AKAP13: variants seen among roughly 807,000 people sequenced by gnomAD.
AKAP13 encodes A-kinase anchoring protein 13, also known as A-kinase anchor protein 13.
Under a neutral mutation model 264.5 loss-of-function variants are expected in AKAP13, and 80 were observed. That is an observed-to-expected ratio of 0.30 (90% CI 0.25 to 0.36). AKAP13 has a LOEUF of 0.36. Ranked by LOEUF, AKAP13 falls within the 10% of genes least tolerant of loss-of-function variation. AKAP13 has a pLI of 1.00. For synonymous variants in AKAP13, 1,380 were observed against 1,250.2 expected (o/e 1.10, Z -2.19); for missense variants, 3,712 against 3,435.2 (o/e 1.08, Z -2.01).
chr15:85,544,038 T>A, intron 5 of AKAP13, 83 bp downstream of exon 5: 1 of 1,515,776 alleles, frequency 6.6e-7, no homozygotes, highest in Non-Finnish European at 9.1e-7. Context: ...ACTTGGCATC[T>A]CATTGTGTGT....
chr15:85,412,178 A>G (rs899765205), intron 1 of AKAP13, among the ~76,000 whole-genome samples: 22 of 152,228 alleles, frequency 1.4e-4, no homozygotes, highest in African/African-American at 5.1e-4. Context: ...GTAACAGAGT[A>G]CAAAACGGTC....
At chr15:85,714,273 G>T (rs1293455545) in intron 19 of AKAP13, among the ~76,000 whole-genome samples, 14 of 152,176 alleles carry the variant, frequency 9.2e-5, no homozygotes, top group African/African-American at 2.2e-4. Context: ...CTTCATCCTT[G>T]TCGTTTTCAC....
intron 36 of AKAP13, 45 bp from the exon 37 acceptor site, chr15:85,744,583 G>A (rs199768748): frequency 6.2e-7 from 1 of 1,600,820 alleles, no homozygotes; most frequent in Non-Finnish European, 8.6e-7. Flanking sequence ...AATGAAAGGA[G>A]CAGTTTTTCT....
chr15:85,677,464 CTTG>C (rs1202304691), intron 14 of AKAP13, among the ~76,000 whole-genome samples: 1 of 151,952 alleles, frequency 6.6e-6, no homozygotes. Flanking sequence ...TTTTATTTTC[CTTG>C]TTGTGTTGTT....
At chr15:85,495,706 T>C (rs2075852146) in intron 2 of AKAP13, among the ~76,000 whole-genome samples, 1 of 152,184 alleles carries the variant, frequency 6.6e-6, no homozygotes, top group African/African-American at 2.4e-5. Context: ...CCCACACTTA[T>C]TAGATTTTCA....
chr15:85,719,374 G>A (rs757633201), intron 23 of AKAP13, 48 bp downstream of exon 23: 5 of 1,601,464 alleles, frequency 3.1e-6, no homozygotes, highest in Admixed American at 3.4e-5. Context: ...GGGAAAAAGG[G>A]AAGTCATGGG....
chr15:85,435,071 G>T (rs2073213089), intron 1 of AKAP13, among the ~76,000 whole-genome samples: 1 of 128,510 alleles, frequency 7.8e-6, no homozygotes, highest in South Asian at 2.7e-4. Context: ...TGAAAACTTT[G>T]AAAAAAATTT....
At chr15:85,670,391 C>G (rs2083859772) in intron 14 of AKAP13, among the ~76,000 whole-genome samples, 1 of 151,632 alleles carries the variant, frequency 6.6e-6, no homozygotes, top group Non-Finnish European at 1.5e-5. Context: ...TACTGGCCTT[C>G]TCTGGCTACT....
intron 2 of AKAP13, among the ~76,000 whole-genome samples, chr15:85,516,247 T>G (rs982674844): frequency 7.2e-5 from 11 of 152,240 alleles, no homozygotes; most frequent in African/African-American, 2.7e-4. Context: ...GGTGCTTTCC[T>G]TTTATCAATC....
intron 6 of AKAP13, among the ~76,000 whole-genome samples, chr15:85,575,700 A>AG (rs1471074320): frequency 6.6e-6 from 1 of 152,160 alleles, no homozygotes; most frequent in East Asian, 1.9e-4. Context: ...TCAAAAAAAA[A>AG]AAAACTTTCC....
chr15:85,479,347 A>G (rs1429278693), intron 1 of AKAP13, among the ~76,000 whole-genome samples: 1 of 152,212 alleles, frequency 6.6e-6, no homozygotes, highest in Non-Finnish European at 1.5e-5. Context: ...ACAAGAATCC[A>G]AAGTATGCAT....
intron 14 of AKAP13, among the ~76,000 whole-genome samples, chr15:85,676,217 A>C (rs2084220459): frequency 6.6e-6 from 1 of 152,198 alleles, no homozygotes; most frequent in Non-Finnish European, 1.5e-5. Flanking sequence ...AGCCAGTAGA[A>C]GGCTTTTGCA....
At chr15:85,636,729 C>G (rs1285628110) in intron 8 of AKAP13, among the ~76,000 whole-genome samples, 1 of 152,054 alleles carries the variant, frequency 6.6e-6, no homozygotes, top group Non-Finnish European at 1.5e-5. Context: ...ATTCTCATGC[C>G]TCAGGCTCCC....
At chr15:85,617,074 A>C (rs1043751668) in intron 8 of AKAP13, among the ~76,000 whole-genome samples, 1 of 152,228 alleles carries the variant, frequency 6.6e-6, no homozygotes, top group Non-Finnish European at 1.5e-5. Flanking sequence ...TATTATTTTG[A>C]AACAAGTTTC....
Position 85,542,085 on chromosome 15 carries a change from C to T in AKAP13, c.479-1687C>T, listed in dbSNP as rs183201312. ...TTTCCTAGTTAGTGCCTCATTAGCT[C>T]TTTGTTCTTGATAAGGATGTCAGAA... is the stretch of plus-strand genomic sequence containing the variant. On this transcript the variant is annotated intron_variant, in intron 4 of 36. Coordinates refer to ENST00000394518, the MANE Select transcript of AKAP13 (RefSeq NM_007200.5). 1.5e-3 allele frequency among the ~76,000 whole-genome samples: 236 copies of T among 152,328 alleles called. 6 individuals carry two copies. The highest frequency in any genetic ancestry group is 1.2e-4 in the Non-Finnish European group (8 of 68,034).
rs538854512 is a variant in AKAP13, at chr15:85,649,704, T to G, written c.4374+3750T>G. On this transcript the variant is annotated intron_variant, in intron 10 of 36. Coordinates refer to ENST00000394518, the MANE Select transcript of AKAP13 (RefSeq NM_007200.5). Reference sequence around the variant, plus strand: ...TGACTCTTTAGTGAGTGTTATGAGCTTCACGTTTATTCTCATGAATATGTG... The same window carrying G: ...TGACTCTTTAGTGAGTGTTATGAGCGTCACGTTTATTCTCATGAATATGTG... 3.9e-5 allele frequency among the ~76,000 whole-genome samples: 6 copies of G among 152,358 alleles called. No individual in the cohort carries two copies. The South Asian group carries it at 1.2e-3, about 32-fold the overall frequency.
intron 1 of AKAP13, among the ~76,000 whole-genome samples, chr15:85,474,754 A>G (rs1045389658): frequency 2.6e-5 from 4 of 152,312 alleles, no homozygotes; most frequent in Admixed American, 6.5e-5. Context: ...TTGTGTTTCC[A>G]GTGTCATTGT....
chr15:85,723,982 T>G (rs556522793), intron 26 of AKAP13, among the ~76,000 whole-genome samples: 4 of 152,208 alleles, frequency 2.6e-5, no homozygotes, highest in Admixed American at 2.6e-4. Flanking sequence ...TATGTGTACA[T>G]TTGATTTTTT....
intron 1 of AKAP13, among the ~76,000 whole-genome samples, chr15:85,443,371 C>T (rs1314254093): frequency 6.6e-6 from 1 of 152,124 alleles, no homozygotes; most frequent in Non-Finnish European, 1.5e-5. Flanking sequence ...GGATTGATTT[C>T]ATCATCAATT....
Sources: gnomAD v4.1 joint callset for allele counts (sites outside exome capture counted in the v4.1 genomes callset) on GRCh38, gnomAD v4.1.1 for gene constraint, MANE v1.5 for transcripts, NCBI Gene and HGNC (gene_info 2026-07-23, HGNC 2026-07-21) for gene names.